RASA3: variants seen among roughly 807,000 people sequenced by gnomAD.
RASA3 encodes the protein RAS p21 protein activator 3.
Under a neutral mutation model 110.0 loss-of-function variants are expected in RASA3, and 73 were observed. The observed-to-expected ratio is 0.66, with a 90% CI of 0.55 to 0.81. The LOEUF (loss-of-function observed/expected upper bound fraction) is 0.81. Among genes scored for constraint, RASA3 ranks in the 30% least tolerant of loss-of-function variants. RASA3 has a pLI of 0.00. For missense variants in RASA3, 976 were observed against 1,113.2 expected, an observed-to-expected ratio of 0.88 and a Z score of 1.75; for synonymous variants, 500 against 451.4, an observed-to-expected ratio of 1.11 and a Z score of -1.37.
intron 1 of RASA3, chr13:114,078,049 C>CAGGG: frequency 1.0e-6 from 1 of 955,782 alleles, no homozygotes; most frequent in Non-Finnish European, 1.2e-6. Context: ...ACAGCAACAC[C>CAGGG]AGGGAGCCTG....
intron 1 of RASA3, among the ~76,000 whole-genome samples, chr13:114,082,285 C>T (rs537842935): frequency 4.6e-5 from 7 of 152,374 alleles, no homozygotes; most frequent in South Asian, 4.1e-4. Flanking sequence ...GCAGCGTCTG[C>T]AGGTGCCCTG....
intron 18 of RASA3, among the ~76,000 whole-genome samples, chr13:114,001,493 G>A (rs1348412034): frequency 4.8e-5 from 7 of 145,330 alleles, no homozygotes; most frequent in East Asian, 2.0e-4. Flanking sequence ...CTACAGGCGC[G>A]GGCTCGGGGT....
intron 13 of RASA3, 52 bp from the exon 14 acceptor site, chr13:114,015,384 G>C (rs746929982): frequency 6.2e-7 from 1 of 1,601,860 alleles, no homozygotes. Context: ...CCACAGGTGC[G>C]TGTAGCACCA....
chr13:114,075,100 C>G (rs1433763739), intron 1 of RASA3, among the ~76,000 whole-genome samples: 1 of 152,218 alleles, frequency 6.6e-6, no homozygotes. Flanking sequence ...CAGGCACAGG[C>G]ACCACGCTGA....
Position 114,114,225 on chromosome 13 carries a change from A to T in RASA3, c.55+18210T>A, listed in dbSNP as rs552996227. Among the ~76,000 whole-genome samples, 17 of 152,340 alleles carry T rather than the reference A, an allele frequency of 1.1e-4. No individual in the cohort carries two copies. The highest frequency in any genetic ancestry group is 3.4e-3 in the Middle Eastern group (1 of 294). ...GAGAGAGACCTGGCCTATCCTCAGC[A>T]CAGCCCATGTGACGTTAGAAAGGCA... On this transcript the variant is annotated intron_variant, in intron 1 of 23. Transcript: ENST00000334062. This position sits in a 1 kb window ranked among gnomAD's most constrained non-coding sequence, Gnocchi z 4.8.
intron 22 of RASA3, among the ~76,000 whole-genome samples, chr13:113,989,911 A>G (rs1443690144): frequency 2.0e-5 from 3 of 152,134 alleles, no homozygotes; most frequent in Admixed American, 2.0e-4. Context: ...TGTGGTTTGG[A>G]TTTGTGTCCC....
chr13:114,090,985 C>T (rs2079884386), intron 1 of RASA3, among the ~76,000 whole-genome samples: 1 of 152,096 alleles, frequency 6.6e-6, no homozygotes, highest in East Asian at 1.9e-4. Context: ...ACCAGAAATG[C>T]ATGGTAGAAA....
intron 2 of RASA3, among the ~76,000 whole-genome samples, chr13:114,063,736 T>A (rs2079400709): frequency 6.6e-6 from 1 of 152,138 alleles, no homozygotes; most frequent in Non-Finnish European, 1.5e-5. Flanking sequence ...TGGGATAAAT[T>A]CCTCCAAGGA....
At chr13:114,066,400 G>C (rs975388831) in intron 2 of RASA3, among the ~76,000 whole-genome samples, 5 of 152,192 alleles carry the variant, frequency 3.3e-5, no homozygotes, top group Non-Finnish European at 5.9e-5. Context: ...AGCGGCCGAG[G>C]AGCGGGAGGC....
intron 1 of RASA3, among the ~76,000 whole-genome samples, chr13:114,129,605 C>CT (rs1457227752): frequency 6.6e-6 from 1 of 152,292 alleles, no homozygotes; most frequent in Non-Finnish European, 1.5e-5. Flanking sequence ...AATGTGCTGG[C>CT]TTTTTTTCTT....
intron 11 of RASA3, 145 bp downstream of exon 11, chr13:114,017,959 T>G: frequency 1.0e-6 from 1 of 983,252 alleles, no homozygotes. Flanking sequence ...ACTGGGTCTG[T>G]GAAAGAAAAC....
intron 1 of RASA3, among the ~76,000 whole-genome samples, chr13:114,101,461 G>C (rs1442536271): frequency 6.6e-6 from 1 of 152,192 alleles, no homozygotes; most frequent in East Asian, 1.9e-4. Context: ...GCCCGTGCTG[G>C]GCCCCGCCCT....
At position 114,132,429 on chromosome 13, in the gene RASA3, A is replaced by T. The variant is rs1466114975; in HGVS notation, c.55+6T>A. ...GTCGGACGCGTGGCTGCCGGCGGAC[A>T]CTCACCGATCTTGATCTTCACGCTC... On this transcript the variant is annotated splice_donor_region_variant and intron_variant, in intron 1 of 23. Transcript: ENST00000334062. 6.6e-7 allele frequency: 1 copy of T among 1,521,442 alleles called. No individual in the cohort carries two copies. The highest frequency in any genetic ancestry group is 2.0e-5 in the Admixed American group (1 of 49,624). 94.2% of individuals were successfully genotyped at this position (1,521,442 alleles called of 1,614,324 possible). A position where few individuals can be genotyped will look rare whatever the true frequency, so the allele number is the denominator to read the frequency against.
chr13:114,050,278 G>T (rs898058150), intron 3 of RASA3, among the ~76,000 whole-genome samples: 1 of 152,234 alleles, frequency 6.6e-6, no homozygotes, highest in Non-Finnish European at 1.5e-5. Context: ...GACCCTGAAG[G>T]GGGGTCAGGT....
At chr13:114,062,562 G>A (rs1168671338) in intron 2 of RASA3, among the ~76,000 whole-genome samples, 6 of 133,114 alleles carry the variant, frequency 4.5e-5, no homozygotes, top group South Asian at 2.3e-4. Context: ...ACGTCCGCAC[G>A]CAGACTCGGA....
At chr13:114,124,330 C>G (rs1378118120) in intron 1 of RASA3, among the ~76,000 whole-genome samples, 1 of 152,226 alleles carries the variant, frequency 6.6e-6, no homozygotes, top group African/African-American at 2.4e-5. Flanking sequence ...TTTTCAGACA[C>G]TCATAGAACA....
intron 1 of RASA3, among the ~76,000 whole-genome samples, chr13:114,129,041 CG>C (rs1029105439): frequency 6.9e-4 from 105 of 152,232 alleles, no homozygotes; most frequent in African/African-American, 2.3e-3. Flanking sequence ...ATTGTGGAAA[CG>C]GAAGACATCA....
chr13:114,132,297 C>T (rs1023071051), intron 1 of RASA3, 138 bp downstream of exon 1: 17 of 927,092 alleles, frequency 1.8e-5, no homozygotes, highest in South Asian at 5.3e-5. Context: ...CCGGACCAGC[C>T]GTTCTCCGGG....
Position 114,016,213 on chromosome 13 carries a change from T to C in RASA3, c.1265A>G (p.Asn422Ser), listed in dbSNP as rs936768650. Residue 422 changes from asparagine (N) to serine (S), a missense_variant, in exon 13 of 24, where the codon AAC (asparagine) becomes AGC (serine). Around this residue, in one of 4 missense-constraint regions of RASA3, gnomAD observed 732 missense variants for 779.7 expected, o/e 0.94. Transcript: ENST00000334062. Reference protein sequence around the residue: ...IDPVKLKDGENLENNMENLRQ... With the variant: ...IDPVKLKDGESLENNMENLRQ... ...AAAACCTACCATGTTGTTTTCAAGG[T>C]TTTCTCCGTCTTTCAACTTCACAGG... 8.8e-6 allele frequency: 14 copies of C among 1,595,926 alleles called. No homozygotes were observed. Among genetic ancestry groups the C allele is most frequent in the African/African-American group, 1.3e-5 (1 of 74,424 alleles).
Sources: allele counts gnomAD v4.1 joint callset (sites outside exome capture counted in the v4.1 genomes callset), GRCh38; gene constraint gnomAD v4.1.1; regional missense constraint gnomAD v4.1.1; non-coding constraint Gnocchi (gnomAD v3.1); transcripts MANE v1.5; gene names NCBI Gene and HGNC (gene_info 2026-07-23, HGNC 2026-07-21).